Variants in BRCC3 observed in about 807,000 individuals in gnomAD.
BRCC3 encodes the protein lys-63-specific deubiquitinase BRCC36.
Under a neutral mutation model 28.0 loss-of-function variants are expected in BRCC3, and 15 were observed. The observed-to-expected ratio is 0.54, with a 90% CI of 0.36 to 0.82. The LOEUF is 0.82. Ranked by LOEUF, BRCC3 falls within the 40% of genes least tolerant of loss-of-function variation. The pLI is 0.01. For synonymous variants in BRCC3, 66 were observed against 80.3 expected, an observed-to-expected ratio of 0.82 and a Z score of 0.95; for missense variants, 109 against 225.9, an observed-to-expected ratio of 0.48 and a Z score of 3.32.
intron 7 of BRCC3, among the ~76,000 whole-genome samples, chrX:155,109,828 A>G (rs376852422): frequency 1.8e-5 from 2 of 111,952 alleles, no homozygotes; most frequent in East Asian, 2.8e-4. Flanking sequence ...AATAAAATGT[A>G]AAAGAGAATG....
intron 9 of BRCC3, among the ~76,000 whole-genome samples, chrX:155,117,497 C>T (rs1356673653): frequency 9.0e-6 from 1 of 111,342 alleles, no homozygotes; most frequent in Non-Finnish European, 1.9e-5. Flanking sequence ...GAAGGGGAGG[C>T]TTTTGAGTGT....
Position 155,120,095 on chromosome X carries a change from A to G in BRCC3, c.821A>G (p.Gln274Arg). Residue 274 changes from glutamine to arginine, a missense_variant, in exon 10 of 11, where the codon CAG becomes CGG. Physicochemically the swap from Gln to Arg is conservative, Grantham distance 43. Transcript: ENST00000330045. ...DRLEQNQQHLQELQQEKEELM... is the reference protein window; with the variant it reads ...DRLEQNQQHLRELQQEKEELM... ...CTGGAGCAAAACCAACAGCATTTGC[A>G]GGAATTACAACAAGAAAAGGAAGAG... 8.3e-7 allele frequency: 1 copy of G among 1,209,223 alleles called. No individual in the cohort carries two copies. The highest frequency in any genetic ancestry group is 1.1e-6 in the Non-Finnish European group (1 of 893,072).
chrX:155,091,181 A>G (rs1430591471), intron 7 of BRCC3, among the ~76,000 whole-genome samples: 3 of 112,227 alleles, frequency 2.7e-5, no homozygotes, highest in Non-Finnish European at 5.6e-5. Flanking sequence ...CTAGATTTGT[A>G]TAGATTCTTG....
At chrX:155,087,523 G>C (rs1405171725) in intron 5 of BRCC3, among the ~76,000 whole-genome samples, 1 of 112,078 alleles carries the variant, frequency 8.9e-6, no homozygotes, top group African/African-American at 3.3e-5. Context: ...TGGGACTAGA[G>C]TTTGTTGGGC....
At chrX:155,084,415 T>G (rs2074106037) in intron 5 of BRCC3, among the ~76,000 whole-genome samples, 1 of 110,776 alleles carries the variant, frequency 9.0e-6, no homozygotes, top group African/African-American at 3.3e-5. Context: ...CAGGCTGGAG[T>G]GCAGTGGCAC....
At chrX:155,114,048 G>T (rs2074339010) in intron 7 of BRCC3, among the ~76,000 whole-genome samples, 1 of 111,283 alleles carries the variant, frequency 9.0e-6, no homozygotes, top group Non-Finnish European at 1.9e-5. Context: ...CAATAAGCCT[G>T]TAGTTTCTTT....
At chrX:155,113,624 A>C (rs1557298388) in intron 7 of BRCC3, among the ~76,000 whole-genome samples, 1 of 111,844 alleles carries the variant, frequency 8.9e-6, no homozygotes, top group Admixed American at 9.5e-5. Flanking sequence ...CAGCTAACAA[A>C]AGCAAAATAG....
At chrX:155,103,406 C>CT (rs781988915) in intron 7 of BRCC3, among the ~76,000 whole-genome samples, 4 of 111,650 alleles carry the variant, frequency 3.6e-5, no homozygotes, top group Non-Finnish European at 7.5e-5. Context: ...TGAAAAAAGT[C>CT]TTTGCCTTCA....
At chrX:155,119,209 A>G (rs1156983052) in intron 9 of BRCC3, among the ~76,000 whole-genome samples, 1 of 112,218 alleles carries the variant, frequency 8.9e-6, no homozygotes, top group Non-Finnish European at 1.9e-5. Context: ...TTAGGTGAGG[A>G]TGTGAGGGAA....
chrX:155,071,793 G>C, intron 1 of BRCC3, 143 bp downstream of exon 1: 1 of 718,924 alleles, frequency 1.4e-6, no homozygotes, highest in Admixed American at 3.8e-5. Context: ...TAGCTCTGTC[G>C]CGGGGAGCCC....
At chrX:155,071,749 C>A in intron 1 of BRCC3, 99 bp downstream of exon 1, 1 of 991,500 alleles carries the variant, frequency 1.0e-6, no homozygotes. Flanking sequence ...AGGCCACAGG[C>A]ATCCTCGATT....
intron 7 of BRCC3, among the ~76,000 whole-genome samples, chrX:155,105,970 A>C (rs1557297486): frequency 8.9e-6 from 1 of 112,352 alleles, no homozygotes; most frequent in Non-Finnish European, 1.9e-5. Flanking sequence ...CCCAGGCTTG[A>C]GCCACCACGC....
At chrX:155,121,015 C>T (rs1482995694) in intron 10 of BRCC3, among the ~76,000 whole-genome samples, 1 of 111,374 alleles carries the variant, frequency 9.0e-6, no homozygotes, top group African/African-American at 3.3e-5. Flanking sequence ...TTGTTTCTCC[C>T]TCTCATTTTT....
intron 4 of BRCC3, among the ~76,000 whole-genome samples, chrX:155,077,880 C>A (rs1048420805): frequency 8.9e-6 from 1 of 112,141 alleles, no homozygotes; most frequent in African/African-American, 3.2e-5. Flanking sequence ...CCTGGCCTCT[C>A]GTAGTTTCCT....
intron 10 of BRCC3, 39 bp from the exon 11 acceptor site, chrX:155,121,184 C>T (rs1400371823): frequency 8.9e-6 from 1 of 112,146 alleles, no homozygotes; most frequent in Non-Finnish European, 1.9e-5. Context: ...TAATTTCCCA[C>T]AGCCACTGTT....
intron 7 of BRCC3, among the ~76,000 whole-genome samples, chrX:155,105,438 G>A (rs1420569072): frequency 9.0e-6 from 1 of 111,652 alleles, no homozygotes; most frequent in Non-Finnish European, 1.9e-5. Flanking sequence ...AGCCGAGATT[G>A]TGCCACTGCC....
chrX:155,120,530 T>A (rs781839741), intron 10 of BRCC3, among the ~76,000 whole-genome samples: 4 of 112,340 alleles, frequency 3.6e-5, no homozygotes, highest in Non-Finnish European at 7.5e-5. Flanking sequence ...GAATATTTTA[T>A]GTTTCAATTT....
chrX:155,108,191 T>C (rs943003506), intron 7 of BRCC3, among the ~76,000 whole-genome samples: 5 of 112,305 alleles, frequency 4.5e-5, no homozygotes, highest in African/African-American at 1.6e-4. Context: ...TTGTCTGTTT[T>C]TGAATTTTAT....
At chrX:155,077,910 G>A (rs1020083861) in intron 4 of BRCC3, among the ~76,000 whole-genome samples, 4 of 112,190 alleles carry the variant, frequency 3.6e-5, no homozygotes, top group African/African-American at 1.3e-4. Context: ...CCGCTCATCA[G>A]TGATCTGCTG....
Sources: allele counts gnomAD v4.1 joint callset (sites outside exome capture counted in the v4.1 genomes callset), GRCh38; gene constraint gnomAD v4.1.1; transcripts MANE v1.5; gene names NCBI Gene and HGNC (gene_info 2026-07-23, HGNC 2026-07-21).